The following MSI2 variants were observed in gnomAD, a reference collection of about 807,000 sequenced individuals.
MSI2 encodes the protein musashi RNA binding protein 2, also known as RNA-binding protein Musashi homolog 2.
Under a neutral mutation model 45.6 loss-of-function variants are expected in MSI2, and 17 were observed. The observed-to-expected ratio is 0.37, with a 90% CI of 0.26 to 0.56. The LOEUF is 0.56. Among genes scored for constraint, MSI2 ranks in the 20% least tolerant of loss-of-function variants. The pLI is 0.77. For missense variants in MSI2, 293 were observed against 444.2 expected, an observed-to-expected ratio of 0.66 and a Z score of 3.06; for synonymous variants, 156 against 158.2, an observed-to-expected ratio of 0.99 and a Z score of 0.11.
intron 6 of MSI2, among the ~76,000 whole-genome samples, chr17:57,479,197 A>G (rs1398299355): frequency 6.6e-6 from 1 of 152,144 alleles, no homozygotes; most frequent in Non-Finnish European, 1.5e-5. Flanking sequence ...AGCAATCAGG[A>G]TGAAGGACAC....
intron 6 of MSI2, among the ~76,000 whole-genome samples, chr17:57,505,100 G>A (rs1267437022): frequency 2.0e-5 from 3 of 152,116 alleles, no homozygotes; most frequent in Non-Finnish European, 2.9e-5. Context: ...GAGTCTGGGG[G>A]AAGGTGTGTT....
intron 5 of MSI2, among the ~76,000 whole-genome samples, chr17:57,392,966 T>C (rs1432783662): frequency 6.6e-6 from 1 of 152,320 alleles, no homozygotes; most frequent in African/African-American, 2.4e-5. Flanking sequence ...TTCACAGATA[T>C]GTGCACCCAT....
intron 10 of MSI2, among the ~76,000 whole-genome samples, chr17:57,647,409 A>G (rs1260303071): frequency 2.0e-5 from 3 of 150,156 alleles, no homozygotes; most frequent in Non-Finnish European, 4.4e-5. Flanking sequence ...CGATTGCACC[A>G]CTGCACTCCA....
intron 5 of MSI2, among the ~76,000 whole-genome samples, chr17:57,299,776 C>T (rs1040662882): frequency 2.0e-5 from 3 of 152,050 alleles, no homozygotes; most frequent in African/African-American, 7.3e-5. Context: ...GAAGTTAGCA[C>T]ACGTGGTTGG....
chr17:57,603,049 C>G (rs1001263130), intron 8 of MSI2, among the ~76,000 whole-genome samples: 1 of 152,190 alleles, frequency 6.6e-6, no homozygotes, highest in African/African-American at 2.4e-5. Context: ...GAGCACGGAG[C>G]CAGGCCAAAT....
At chr17:57,317,891 G>A (rs888348908) in intron 5 of MSI2, among the ~76,000 whole-genome samples, 4 of 152,156 alleles carry the variant, frequency 2.6e-5, no homozygotes, top group Admixed American at 2.6e-4. Context: ...ACTCACGCCT[G>A]TAATCCCGGC....
intron 6 of MSI2, among the ~76,000 whole-genome samples, chr17:57,434,042 G>C (rs2084647752): frequency 6.6e-6 from 1 of 152,166 alleles, no homozygotes; most frequent in African/African-American, 2.4e-5. Flanking sequence ...TAAGGCACGT[G>C]AGTTAATACA....
chr17:57,592,805 T>A (rs149059231), intron 7 of MSI2, among the ~76,000 whole-genome samples: 2 of 152,316 alleles, frequency 1.3e-5, no homozygotes, highest in Non-Finnish European at 2.9e-5. Flanking sequence ...AATTCCTGTC[T>A]CCTACCTCAG....
chr17:57,342,116 T>C (rs1915217204), intron 5 of MSI2, among the ~76,000 whole-genome samples: 1 of 152,226 alleles, frequency 6.6e-6, no homozygotes, highest in African/African-American at 2.4e-5. Flanking sequence ...TCTCCTCTCA[T>C]TAGGAATTGA....
intron 10 of MSI2, among the ~76,000 whole-genome samples, chr17:57,644,029 GC>G (rs549017551): frequency 3.3e-5 from 5 of 152,074 alleles, no homozygotes; most frequent in Admixed American, 2.6e-4. Flanking sequence ...GCGAGACATT[GC>G]CCCCCCAGGC....
At chr17:57,700,593 T>C in the MSI2 span, among the ~76,000 whole-genome samples, 1 of 152,094 alleles carries the variant, frequency 6.6e-6, no homozygotes, top group Admixed American at 6.6e-5. Flanking sequence ...CCACAAGCAA[T>C]GAATGACCCT....
intron 11 of MSI2, among the ~76,000 whole-genome samples, chr17:57,664,897 G>A (rs897970300): frequency 6.6e-6 from 1 of 152,154 alleles, no homozygotes; most frequent in African/African-American, 2.4e-5. Context: ...GATCACCTGG[G>A]GAGTTTTTAA....
chr17:57,363,432 T>C (rs558808294), intron 5 of MSI2, among the ~76,000 whole-genome samples: 9 of 152,266 alleles, frequency 5.9e-5, no homozygotes, highest in Admixed American at 3.3e-4. Flanking sequence ...GTTATGGATA[T>C]TTTACCACTG....
chr17:57,452,670 G>C (rs2085040081), intron 6 of MSI2, among the ~76,000 whole-genome samples: 1 of 152,250 alleles, frequency 6.6e-6, no homozygotes, highest in Non-Finnish European at 1.5e-5. Flanking sequence ...GATTTGAAGA[G>C]AGAAGGCCTG....
chr17:57,358,031 G>A (rs1916559098), intron 5 of MSI2, among the ~76,000 whole-genome samples: 1 of 152,160 alleles, frequency 6.6e-6, no homozygotes, highest in Admixed American at 6.5e-5. Flanking sequence ...CACAGCTTTG[G>A]GGGCTGCTAT....
the MSI2 span, among the ~76,000 whole-genome samples, chr17:57,698,936 T>C: frequency 7.4e-6 from 1 of 135,216 alleles, no homozygotes; most frequent in Non-Finnish European, 1.6e-5. Flanking sequence ...TGTGTGTGTG[T>C]GTGTGAAGGT....
intron 7 of MSI2, among the ~76,000 whole-genome samples, chr17:57,581,806 A>T (rs1453747027): frequency 6.6e-6 from 1 of 152,228 alleles, no homozygotes; most frequent in Non-Finnish European, 1.5e-5. Flanking sequence ...TAACAATATG[A>T]TAAAACCAGC....
intron 11 of MSI2, among the ~76,000 whole-genome samples, chr17:57,659,430 A>T (rs1226226561): frequency 6.6e-6 from 1 of 152,042 alleles, no homozygotes; most frequent in Non-Finnish European, 1.5e-5. Flanking sequence ...ATACACCGTG[A>T]TGTATATTAC....
At chr17:57,442,895 T>C (rs1055011337) in intron 6 of MSI2, among the ~76,000 whole-genome samples, 2 of 152,150 alleles carry the variant, frequency 1.3e-5, no homozygotes, top group Non-Finnish European at 2.9e-5. Context: ...ATCATCCTTA[T>C]TAAAGTTTGA....
Sources: allele counts gnomAD v4.1 joint callset (sites outside exome capture counted in the v4.1 genomes callset), GRCh38; gene constraint gnomAD v4.1.1; transcripts MANE v1.5; gene names NCBI Gene and HGNC (gene_info 2026-07-23, HGNC 2026-07-21).